The following PCLO variants were observed in gnomAD, a reference collection of about 807,000 sequenced individuals.
The protein encoded by PCLO is protein piccolo.
Under a neutral mutation model 427.5 loss-of-function variants are expected in PCLO, and 82 were observed. The ratio of observed to expected loss-of-function variants is 0.19; its 90% CI spans 0.16 to 0.23. The LOEUF is 0.23. Among genes scored for constraint, PCLO ranks in the 10% least tolerant of loss-of-function variants. PCLO has a pLI of 1.00. For synonymous variants in PCLO, 2,357 were observed against 2,155.4 expected, an observed-to-expected ratio of 1.09 and a Z score of -2.59; for missense variants, 6,239 against 6,115.9, an observed-to-expected ratio of 1.02 and a Z score of -0.67.
chr7:83,074,952 C>G, intron 3 of PCLO, among the ~76,000 whole-genome samples: 1 of 152,176 alleles, frequency 6.6e-6, no homozygotes, highest in Non-Finnish European at 1.5e-5. Flanking sequence ...AAAATATCAC[C>G]TAAAGAAATG....
chr7:83,050,227 A>AACAAACAAAAACAAAAAC (rs1789206323), intron 3 of PCLO, among the ~76,000 whole-genome samples: 1 of 85,650 alleles, frequency 1.2e-5, no homozygotes, highest in African/African-American at 3.8e-5. Context: ...AAAAAAAAAA[A>AACAAACAAAAACAAAAAC]AAAAAAAAAA....
chr7:83,033,441 T>C (rs1457720155), intron 3 of PCLO, among the ~76,000 whole-genome samples: 1 of 152,186 alleles, frequency 6.6e-6, no homozygotes, highest in African/African-American at 2.4e-5. Flanking sequence ...ACATGTAACC[T>C]ATTCCTCAAG....
chr7:83,070,516 T>TA (rs1247425705), intron 3 of PCLO, among the ~76,000 whole-genome samples: 2 of 151,724 alleles, frequency 1.3e-5, no homozygotes, highest in African/African-American at 4.8e-5. Context: ...GCCTCCCGAG[T>TA]AGCTGCGACT....
At chr7:82,822,116 G>A (rs1415771028) in intron 20 of PCLO, 2 of 1,031,110 alleles carry the variant, frequency 1.9e-6, no homozygotes, top group African/African-American at 1.8e-5. Context: ...TTTGGTATAA[G>A]TCCTGGAAAA....
chr7:82,780,192 C>T (rs536191612), intron 22 of PCLO, among the ~76,000 whole-genome samples: 15 of 152,300 alleles, frequency 9.8e-5, no homozygotes, highest in African/African-American at 2.9e-4. Flanking sequence ...TTACATCTTA[C>T]TTGTCCATAT....
At position 83,134,244 on chromosome 7, in the gene PCLO, A is replaced by ATATATATAT; in HGVS notation, c.3300+5_3300+6insATATATATA. On this transcript the variant is annotated splice_donor_region_variant and intron_variant, in intron 3 of 24. Coordinates refer to ENST00000333891, the MANE Select transcript of PCLO (RefSeq NM_033026.6). ...ATATATATATATATATATATATATA[A>ATATATATAT]CTTACCTCAGTCAAATGTGGTGTAG... 4.1e-6 allele frequency: 3 copies of ATATATATAT among 731,062 alleles called. No homozygotes were observed. The highest frequency in any genetic ancestry group is 2.0e-6 in the Non-Finnish European group (1 of 500,824). 45.3% of individuals were successfully genotyped at this position (731,062 alleles called of 1,614,324 possible).
intron 3 of PCLO, among the ~76,000 whole-genome samples, chr7:83,005,979 T>C (rs192572474): frequency 1.5e-3 from 234 of 151,768 alleles, no homozygotes; most frequent in Middle Eastern, 0.014. Context: ...GTATGAATTT[T>C]TGTTTGTTTC....
At chr7:82,956,959 G>A (rs1305994082) in intron 4 of PCLO, 24 bp from the exon 5 acceptor site, 2 of 1,535,140 alleles carry the variant, frequency 1.3e-6, no homozygotes, top group Non-Finnish European at 1.8e-6. Context: ...TAAAGATACA[G>A]GAAAACTTAA....
chr7:82,874,490 T>C (rs1380336202), intron 10 of PCLO, among the ~76,000 whole-genome samples: 2 of 152,170 alleles, frequency 1.3e-5, no homozygotes, highest in Non-Finnish European at 2.9e-5. Flanking sequence ...AATTGTATTA[T>C]GAATTTCCCA....
intron 22 of PCLO, among the ~76,000 whole-genome samples, chr7:82,768,495 G>A (rs569481605): frequency 1.3e-5 from 2 of 150,996 alleles, no homozygotes; most frequent in East Asian, 1.9e-4. Flanking sequence ...CTTAAACTTC[G>A]TGAAAATTTT....
At chr7:82,878,647 C>T (rs1016856479) in intron 10 of PCLO, among the ~76,000 whole-genome samples, 2 of 152,164 alleles carry the variant, frequency 1.3e-5, no homozygotes, top group South Asian at 4.2e-4. Context: ...TTTTATGGCC[C>T]ATTATCTCCT....
chr7:82,788,777 A>T (rs1381499512), intron 22 of PCLO, among the ~76,000 whole-genome samples: 1 of 151,940 alleles, frequency 6.6e-6, no homozygotes, highest in African/African-American at 2.4e-5. Flanking sequence ...AATTGAATCA[A>T]TTCTTTAAGT....
At chr7:82,908,589 C>T (rs533449694) in intron 8 of PCLO, among the ~76,000 whole-genome samples, 1 of 152,016 alleles carries the variant, frequency 6.6e-6, no homozygotes, top group Non-Finnish European at 1.5e-5. Flanking sequence ...TCTCAGAGCT[C>T]CATCTATTCT....
At chr7:83,024,248 G>A (rs966346139) in intron 3 of PCLO, among the ~76,000 whole-genome samples, 4 of 152,154 alleles carry the variant, frequency 2.6e-5, no homozygotes, top group Non-Finnish European at 4.4e-5. Flanking sequence ...GTGGGTGCGC[G>A]CACCATGCGC....
At chr7:83,111,966 T>C (rs1791014144) in intron 3 of PCLO, among the ~76,000 whole-genome samples, 1 of 152,248 alleles carries the variant, frequency 6.6e-6, no homozygotes. Flanking sequence ...AAATGACATC[T>C]ATCTGTCAAA....
At chr7:83,134,081 A>C (rs967192742) in intron 3 of PCLO, among the ~76,000 whole-genome samples, 169 bp downstream of exon 3, 1 of 151,718 alleles carries the variant, frequency 6.6e-6, no homozygotes. Context: ...AACTCTTAGT[A>C]AGAAGGTAAG....
rs1430291288 is a variant in PCLO, at chr7:82,760,795, G to T, written c.15143-11C>A. On this transcript the variant is annotated splice_polypyrimidine_tract_variant and intron_variant, in intron 23 of 24. Coordinates refer to ENST00000333891, the MANE Select transcript of PCLO (RefSeq NM_033026.6). ...TTTTCACATATAAATCTGAAAATAA[G>T]AATTCAGCCCATTAAATTCCATCAA... 3 of 1,347,086 alleles carry T rather than the reference G, an allele frequency of 2.2e-6. No individual in the cohort carries two copies. Among genetic ancestry groups the T allele is most frequent in the Non-Finnish European group, 2.1e-6 (2 of 971,428 alleles). The allele number at this position is 1,347,086 out of a possible 1,614,324, so 83.4% of individuals were successfully genotyped here. A position where few individuals can be genotyped will look rare whatever the true frequency, so the allele number is the denominator to read the frequency against.
chr7:82,933,561 G>A (rs915800934), intron 6 of PCLO, among the ~76,000 whole-genome samples: 3 of 151,774 alleles, frequency 2.0e-5, no homozygotes, highest in Admixed American at 2.0e-4. Context: ...GCATTGAGTG[G>A]TCCAGTCCAT....
chr7:82,927,526 A>G (rs113642007), intron 6 of PCLO, among the ~76,000 whole-genome samples: 1,791 of 152,296 alleles, frequency 0.012, 15 homozygotes, highest in Middle Eastern at 0.02. Context: ...CACAATCAGC[A>G]TATCGATCCT....
Sources: gnomAD v4.1 joint callset for allele counts (sites outside exome capture counted in the v4.1 genomes callset) on GRCh38, gnomAD v4.1.1 for gene constraint, MANE v1.5 for transcripts, NCBI Gene and HGNC (gene_info 2026-07-23, HGNC 2026-07-21) for gene names.